AGGF1: variants seen among roughly 807,000 people sequenced by gnomAD.
AGGF1 encodes the protein angiogenic factor with G patch and FHA domains 1.
Under a neutral mutation model 86.5 loss-of-function variants are expected in AGGF1, and 56 were observed. That is an observed-to-expected ratio of 0.65 (90% CI 0.52 to 0.81). AGGF1 has a LOEUF of 0.81. AGGF1 is among the 30% of genes least tolerant of loss of function. The pLI is 0.00. For missense variants in AGGF1, 816 were observed against 850.9 expected (o/e 0.96, Z 0.51); for synonymous variants, 313 against 297.1 (o/e 1.05, Z -0.55).
At chr5:77,045,417 CAT>C (rs1747228065) in intron 5 of AGGF1, among the ~76,000 whole-genome samples, 2 of 152,088 alleles carry the variant, frequency 1.3e-5, no homozygotes, top group South Asian at 4.1e-4. Flanking sequence ...TTCAAAACTT[CAT>C]GTTGTACATG....
chr5:77,061,714 A>T lies in AGGF1; in HGVS notation c.1856A>T (p.Asp619Val), dbSNP rs1360393823. 2.5e-6 allele frequency: 4 copies of T among 1,613,036 alleles called. No homozygotes were observed. Among genetic ancestry groups the T allele is most frequent in the Non-Finnish European group, 3.4e-6 (4 of 1,179,182 alleles). The change falls in exon 13 of 14, where the codon GAT becomes GTT. Residue 619 changes from aspartate (D) to valine (V), a missense_variant. By Grantham distance (152) the Asp-to-Val change is radical. This residue lies in a region of AGGF1 where 565 missense variants were observed against 585.8 expected (regional missense o/e 0.96). Coordinates refer to ENST00000312916, the MANE Select transcript of AGGF1 (RefSeq NM_018046.5). ...APASVHSEIT[D>V]SNKGRKMLEK... ...AATATTCCTTAAAGTGAAATTACTGATAGCAACAAAGGTCGGAAGATGTTG... is the reference window on the plus strand; with the variant it reads ...AATATTCCTTAAAGTGAAATTACTGTTAGCAACAAAGGTCGGAAGATGTTG...
At chr5:77,031,221 T>A (rs2150725280) in intron 1 of AGGF1, among the ~76,000 whole-genome samples, 1 of 152,374 alleles carries the variant, frequency 6.6e-6, no homozygotes, top group African/African-American at 2.4e-5. Flanking sequence ...GTGGCTACAT[T>A]GTCTTCATTC....
At chr5:77,052,607 A>G (rs1747389268) in intron 8 of AGGF1, 99 bp from the exon 9 acceptor site, 2 of 802,888 alleles carry the variant, frequency 2.5e-6, no homozygotes, top group Non-Finnish European at 4.0e-6. Context: ...TAAAATTTAA[A>G]TTATCAAAGG....
At chr5:77,061,949 C>A in intron 13 of AGGF1, 147 bp downstream of exon 13, 1 of 746,702 alleles carries the variant, frequency 1.3e-6, no homozygotes, top group Non-Finnish European at 2.3e-6. Flanking sequence ...TTCACAATTA[C>A]CAAATATATA....
At chr5:77,038,080 T>G (rs1185401117) in intron 4 of AGGF1, among the ~76,000 whole-genome samples, 2 of 152,224 alleles carry the variant, frequency 1.3e-5, no homozygotes, top group Non-Finnish European at 2.9e-5. Context: ...CTGGAACTAT[T>G]GTTATCTAGA....
intron 5 of AGGF1, 145 bp from the exon 6 acceptor site, chr5:77,046,199 GAGA>G (rs1412714433): frequency 4.4e-5 from 34 of 767,702 alleles, no homozygotes; most frequent in Non-Finnish European, 6.9e-5. Flanking sequence ...AAGGAAATGT[GAGA>G]AGGAGAGGGG....
At chr5:77,060,506 A>C (rs1259493832) in intron 12 of AGGF1, among the ~76,000 whole-genome samples, 1 of 152,164 alleles carries the variant, frequency 6.6e-6, no homozygotes, top group East Asian at 1.9e-4. Context: ...AAAAATGAAA[A>C]AGGTGATTTT....
intron 5 of AGGF1, among the ~76,000 whole-genome samples, chr5:77,041,566 CAAA>C (rs1232718165): frequency 2.8e-5 from 2 of 70,408 alleles, no homozygotes; most frequent in Non-Finnish European, 5.2e-5. Context: ...GACTCCATCT[CAAA>C]AAAAAAAAAA....
At chr5:77,059,212 A>G (rs1747509464) in intron 11 of AGGF1, among the ~76,000 whole-genome samples, 1 of 152,192 alleles carries the variant, frequency 6.6e-6, no homozygotes, top group African/African-American at 2.4e-5. Context: ...GTCAGAATAT[A>G]CTGTTATTTT....
chr5:77,030,594 C>G lies in AGGF1; in HGVS notation c.-173C>G. Reference sequence around the variant, plus strand: ...GTCCCCTTGCTCGTTGCTCGCAGCCCCGTTCGGCTACAAGTGAGTTTCAGG... The same window carrying G: ...GTCCCCTTGCTCGTTGCTCGCAGCCGCGTTCGGCTACAAGTGAGTTTCAGG... On this transcript the variant is annotated 5_prime_UTR_variant, in exon 1 of 14. Transcript: ENST00000312916. 2.6e-6 allele frequency: 2 copies of G among 780,450 alleles called. No homozygotes were observed. Among genetic ancestry groups the G allele is most frequent in the South Asian group, 2.9e-5 (2 of 68,322 alleles). 48.3% of individuals were successfully genotyped at this position (780,450 alleles called of 1,614,324 possible).
chr5:77,037,572 G>A (rs1746988782), intron 4 of AGGF1, among the ~76,000 whole-genome samples: 1 of 152,124 alleles, frequency 6.6e-6, no homozygotes, highest in Non-Finnish European at 1.5e-5. Flanking sequence ...CTTGAGTCGA[G>A]TGCAAGACCA....
chr5:77,061,615 T>G (rs1285817814), intron 12 of AGGF1, 88 bp from the exon 13 acceptor site: 2 of 1,318,028 alleles, frequency 1.5e-6, no homozygotes, highest in Non-Finnish European at 2.2e-6. Flanking sequence ...AAAGTAGTTG[T>G]ACCAATTACT....
At chr5:77,053,651 TC>T (rs1278180896) in intron 9 of AGGF1, among the ~76,000 whole-genome samples, 1 of 152,188 alleles carries the variant, frequency 6.6e-6, no homozygotes. Flanking sequence ...TAACATTTCA[TC>T]TTTTTTTATT....
rs1747593013 is a variant in AGGF1, at chr5:77,063,123, C to T, written c.2016C>T (p.His672=). The change falls in exon 14 of 14, where the codon CAC becomes CAT. Residue 672 remains histidine (H), a synonymous_variant. Transcript: ENST00000312916. ...TGKPSSFEDV[H]LLQNKNKKNW... is the part of the protein sequence containing the mutation. Reference sequence around the variant, plus strand: ...AACCATCCTCATTTGAAGATGTTCACCTTCTCCAAAACAAGAACAAAAAAA... The same window carrying T: ...AACCATCCTCATTTGAAGATGTTCATCTTCTCCAAAACAAGAACAAAAAAA... 4 of 1,613,926 alleles carry T rather than the reference C, an allele frequency of 2.5e-6. No individual in the cohort carries two copies. The highest frequency in any genetic ancestry group is 1.7e-5 in the Admixed American group (1 of 59,990).
rs749892160 is a variant in AGGF1, at chr5:77,030,780, C to T, written c.14C>T (p.Ala5Val). MASE[A>V]PSPPRSPPPP... ...GCGCCGGAGCTCATGGCCTCGGAGG[C>T]GCCGTCCCCGCCGCGGTCGCCGCCG... is the stretch of plus-strand genomic sequence containing the variant. The change falls in exon 1 of 14, where the codon GCG becomes GTG. Residue 5 changes from alanine to valine, a missense_variant. Physicochemically the swap from Ala to Val is moderately conservative, Grantham distance 64 (BLOSUM62 0). This residue lies in a region of AGGF1 where 240 missense variants were observed against 234.4 expected (regional missense o/e 1.02). Coordinates refer to ENST00000312916, the MANE Select transcript of AGGF1 (RefSeq NM_018046.5). The T allele has an allele frequency of 1.3e-6, 2 of 1,578,728 alleles. No homozygotes were observed. The highest frequency in any genetic ancestry group is 1.8e-5 in the Admixed American group (1 of 55,630).
intron 5 of AGGF1, among the ~76,000 whole-genome samples, chr5:77,045,972 G>C (rs1416080065): frequency 1.3e-5 from 2 of 152,146 alleles, no homozygotes; most frequent in African/African-American, 4.8e-5. Flanking sequence ...ATTTTTATTG[G>C]ACACCATTGG....
intron 1 of AGGF1, 130 bp from the exon 2 acceptor site, chr5:77,034,288 C>A: frequency 1.5e-6 from 1 of 669,734 alleles, no homozygotes; most frequent in Non-Finnish European, 2.7e-6. Context: ...ATAATTTTAG[C>A]TTTTCTGAAA....
At chr5:77,043,863 C>CG (rs1490946665) in intron 5 of AGGF1, among the ~76,000 whole-genome samples, 3 of 134,958 alleles carry the variant, frequency 2.2e-5, no homozygotes, top group Non-Finnish European at 4.9e-5. Flanking sequence ...ACTTCTCAGA[C>CG]GGGGCGGCCG....
At chr5:77,034,284 T>G in intron 1 of AGGF1, 134 bp from the exon 2 acceptor site, 1 of 663,228 alleles carries the variant, frequency 1.5e-6, no homozygotes, top group Non-Finnish European at 2.7e-6. Flanking sequence ...AATAATAATT[T>G]TAGCTTTTCT....
Sources: gnomAD v4.1 joint callset for allele counts (sites outside exome capture counted in the v4.1 genomes callset) on GRCh38, gnomAD v4.1.1 for gene constraint, gnomAD v4.1.1 regional missense constraint, MANE v1.5 for transcripts, NCBI Gene and HGNC (gene_info 2026-07-23, HGNC 2026-07-21) for gene names.